The following BEST3 variants were observed in gnomAD, a reference collection of about 807,000 sequenced individuals.
The protein encoded by BEST3 is bestrophin 3.
BEST3 carries 50 observed loss-of-function variants against 47.1 expected under a neutral mutation model. The ratio of observed to expected loss-of-function variants is 1.06; its 90% CI spans 0.85 to 1.34. The LOEUF (loss-of-function observed/expected upper bound fraction) is 1.34. BEST3 is among the 40% of genes most tolerant of loss of function. The pLI is 0.00. For synonymous variants in BEST3, 282 were observed against 298.8 expected, an observed-to-expected ratio of 0.94 and a Z score of 0.58; for missense variants, 765 against 817.0, an observed-to-expected ratio of 0.94 and a Z score of 0.78.
intron 1 of BEST3, among the ~76,000 whole-genome samples, chr12:69,698,671 A>G (rs2136056902): frequency 6.6e-6 from 1 of 152,360 alleles, no homozygotes; most frequent in African/African-American, 2.4e-5. Context: ...ACTAGACACA[A>G]AAAATAAATT....
At chr12:69,663,447 A>G (rs756494284) in intron 9 of BEST3, among the ~76,000 whole-genome samples, 2 of 152,216 alleles carry the variant, frequency 1.3e-5, no homozygotes, top group African/African-American at 2.4e-5. Context: ...TCTTACATAC[A>G]ATGTTCTTTT....
At position 69,697,822 on chromosome 12, in the gene BEST3, G is replaced by T. The variant is rs1886191674; in HGVS notation, c.-15-9C>A. On this transcript the variant is annotated splice_polypyrimidine_tract_variant and intron_variant, in intron 1 of 9. Transcript: ENST00000330891. ...ATCTTGGATAGTTTTTTCTAGAAGA[G>T]CAAGAAGACAAAACACAAGTAAAAA... 2.5e-6 allele frequency: 4 copies of T among 1,592,896 alleles called. No homozygotes were observed. Among genetic ancestry groups the T allele is most frequent in the Admixed American group, 3.6e-5 (2 of 54,994 alleles).
chr12:69,684,522 G>C lies in BEST3; in HGVS notation c.482-5629C>G, dbSNP rs182329418. On this transcript the variant is annotated intron_variant, in intron 4 of 9. Transcript: ENST00000330891. The stretch of plus-strand genomic sequence containing the variant: ...AGATGTCTTTTGCCTTTCAAGCAGA[G>C]TATTCAAACGAGGCTCTATTAGCAG... 1.5e-4 allele frequency: 92 copies of C among 634,316 alleles called. No homozygotes were observed. In the Middle Eastern group the frequency reaches 1.5e-3, roughly 10 times the overall value. 39.3% of individuals were successfully genotyped at this position (634,316 alleles called of 1,614,324 possible). A position where few individuals can be genotyped will look rare whatever the true frequency, so the allele number is the denominator to read the frequency against.
intron 9 of BEST3, among the ~76,000 whole-genome samples, chr12:69,656,147 C>A (rs1883479158): frequency 6.6e-6 from 1 of 152,132 alleles, no homozygotes; most frequent in Non-Finnish European, 1.5e-5. Context: ...ATGACATCAC[C>A]ACATATCTTG....
intron 4 of BEST3, among the ~76,000 whole-genome samples, chr12:69,692,470 A>G (rs1179340339): frequency 1.3e-5 from 2 of 152,210 alleles, no homozygotes; most frequent in South Asian, 2.1e-4. Context: ...CACAAGAGAC[A>G]AGAGGTCCAT....
At chr12:69,644,894 G>A (rs1459631590) in intron 9 of BEST3, among the ~76,000 whole-genome samples, 3 of 152,054 alleles carry the variant, frequency 2.0e-5, no homozygotes, top group Non-Finnish European at 4.4e-5. Context: ...ATTGCTGATT[G>A]TAATACATGT....
At chr12:69,662,005 C>T (rs11177782) in intron 9 of BEST3, among the ~76,000 whole-genome samples, 1,772 of 152,194 alleles carry the variant, frequency 0.012, 19 homozygotes, top group Non-Finnish European at 0.016. Context: ...ACTTAAAGTT[C>T]CCTCTTTAAT....
intron 9 of BEST3, among the ~76,000 whole-genome samples, chr12:69,665,598 C>T (rs1305076723): frequency 6.7e-6 from 1 of 150,290 alleles, no homozygotes. Flanking sequence ...GTCTACAAAA[C>T]AAAACAAAAC....
intron 1 of BEST3, among the ~76,000 whole-genome samples, chr12:69,698,148 G>C (rs1299925429): frequency 6.6e-6 from 1 of 152,132 alleles, no homozygotes; most frequent in African/African-American, 2.4e-5. Context: ...TTAATTGATG[G>C]GGCACTTTTG....
At chr12:69,685,078 C>T (rs1023022654) in intron 4 of BEST3, among the ~76,000 whole-genome samples, 2 of 151,408 alleles carry the variant, frequency 1.3e-5, no homozygotes, top group East Asian at 1.9e-4. Flanking sequence ...GGTTACAACC[C>T]GTTAACCTGA....
chr12:69,666,034 T>G lies in BEST3; in HGVS notation c.1100+5394A>C, dbSNP rs1884193106. ...TGGAACTGCTTAAACTTCTTTTTTT[T>G]TCTGAGACAAGGTCTCGCTCTGTCA... is the stretch of plus-strand genomic sequence containing the variant. On this transcript the variant is annotated intron_variant, in intron 9 of 9. Coordinates refer to ENST00000330891, the MANE Select transcript of BEST3 (RefSeq NM_032735.3). Among the ~76,000 whole-genome samples, 3 of 152,192 alleles carry G rather than the reference T, an allele frequency of 2.0e-5. No homozygotes were observed. In the South Asian group the frequency reaches 6.2e-4, roughly 32 times the overall value.
chr12:69,693,257 T>C (rs1424182832), intron 4 of BEST3, among the ~76,000 whole-genome samples: 3 of 115,294 alleles, frequency 2.6e-5, no homozygotes, highest in Non-Finnish European at 5.0e-5. Context: ...TTTTTTTTTC[T>C]TTTTTCTTTT....
intron 9 of BEST3, among the ~76,000 whole-genome samples, chr12:69,657,630 C>A (rs886954481): frequency 6.6e-6 from 1 of 152,160 alleles, no homozygotes; most frequent in Non-Finnish European, 1.5e-5. Context: ...GGTCCCAGTC[C>A]ACTATTGGTA....
downstream of BEST3, among the ~76,000 whole-genome samples, chr12:69,652,959 C>A (rs573703835): frequency 4.1e-4 from 63 of 152,136 alleles, no homozygotes; most frequent in Non-Finnish European, 7.1e-4. Context: ...CTAACACTAC[C>A]AACCAACATA....
In BEST3 at chr12:69,654,278, C is replaced by T; in HGVS notation, c.*629G>A. The stretch of plus-strand genomic sequence containing the variant: ...AGAAGGGAAGGGAAAAAAAGGATGA[C>T]AGAATAAAAGGAAAAGAGAGAAAAG... On this transcript the variant is annotated 3_prime_UTR_variant, in exon 10 of 10. Transcript: ENST00000330891. The T allele has an allele frequency of 5.1e-6, 5 of 984,490 alleles. No homozygotes were observed. Among genetic ancestry groups the T allele is most frequent in the Non-Finnish European group, 4.8e-6 (4 of 829,410 alleles). The allele number at this position is 984,490 out of a possible 1,614,324, so 61.0% of individuals were successfully genotyped here. A position where few individuals can be genotyped will look rare whatever the true frequency, so the allele number is the denominator to read the frequency against.
chr12:69,682,064 A>G (rs1885285465), intron 4 of BEST3, among the ~76,000 whole-genome samples: 1 of 126,080 alleles, frequency 7.9e-6, no homozygotes, highest in Non-Finnish European at 1.6e-5. Context: ...CCTGGGTGAC[A>G]GAGTGAGACT....
Position 69,671,331 on chromosome 12 carries a change from T to A in BEST3, c.1100+97A>T, listed in dbSNP as rs1884556617. On this transcript the variant is annotated intron_variant, in intron 9 of 9. Transcript: ENST00000330891. ...CAGGTGACATCACAGTTGGCTACTT[T>A]AAATTATTTTATTTCTTTTTTTTTT... 8 of 1,230,096 alleles carry A rather than the reference T, an allele frequency of 6.5e-6. No homozygotes were observed. The South Asian group carries it at 1.1e-4, about 17-fold the overall frequency. 76.2% of individuals were successfully genotyped at this position (1,230,096 alleles called of 1,614,324 possible). A position where few individuals can be genotyped will look rare whatever the true frequency, so the allele number is the denominator to read the frequency against.
Position 69,655,316 on chromosome 12 carries a change from C to T in BEST3, c.1598G>A (p.Gly533Glu). Residue 533 changes from glycine to glutamate, a missense_variant, in exon 10 of 10, where the codon GGG becomes GAG. Physicochemically the swap from Gly to Glu is moderately conservative, Grantham distance 98 (BLOSUM62 -2). Transcript: ENST00000330891. ...ATSILSSEFT[G>E]VQPSKTEQQQ... ...CTGCTCAGTCTTGCTTGGCTGAACC[C>T]CTGTAAACTCAGAGCTCAAGATGGA... 2 of 1,614,118 alleles carry T rather than the reference C, an allele frequency of 1.2e-6. No homozygotes were observed. The highest frequency in any genetic ancestry group is 1.1e-5 in the South Asian group (1 of 91,076).
chr12:69,676,278 C>T (rs560186377), intron 7 of BEST3, among the ~76,000 whole-genome samples: 9 of 152,168 alleles, frequency 5.9e-5, no homozygotes, highest in Non-Finnish European at 1.2e-4. Context: ...TTAGACCAGG[C>T]GCGGTGGCTC....
Sources: gnomAD v4.1 joint callset for allele counts (sites outside exome capture counted in the v4.1 genomes callset) on GRCh38, gnomAD v4.1.1 for gene constraint, MANE v1.5 for transcripts, NCBI Gene and HGNC (gene_info 2026-07-23, HGNC 2026-07-21) for gene names.